ZNF169: variants seen among roughly 807,000 people sequenced by gnomAD.
The protein encoded by ZNF169 is zinc finger protein 169.
A neutral mutation model predicts 12.0 loss-of-function variants in ZNF169; 11 were observed. The observed-to-expected ratio is 0.92, with a 90% CI of 0.58 to 1.52. The LOEUF is 1.52. Ranked by LOEUF, ZNF169 falls within the 40% of genes most tolerant of loss-of-function variation. The pLI is 0.00. For missense variants in ZNF169, 722 were observed against 744.0 expected, an observed-to-expected ratio of 0.97 and a Z score of 0.34; for synonymous variants, 302 against 286.5, an observed-to-expected ratio of 1.05 and a Z score of -0.55.
chr9:94,282,417 G>A (rs544384166), intron 2 of ZNF169, among the ~76,000 whole-genome samples: 5 of 152,260 alleles, frequency 3.3e-5, no homozygotes, highest in South Asian at 2.1e-4. Context: ...ATATTGGTTC[G>A]GTCTGGAAAG....
intron 2 of ZNF169, among the ~76,000 whole-genome samples, chr9:94,282,987 C>T (rs750842303): frequency 6.6e-6 from 1 of 152,132 alleles, no homozygotes; most frequent in Non-Finnish European, 1.5e-5. Flanking sequence ...GAGTTATTCC[C>T]CATTCGCCCC....
At chr9:94,277,917 G>C (rs903816111) in intron 1 of ZNF169, among the ~76,000 whole-genome samples, 2 of 148,022 alleles carry the variant, frequency 1.4e-5, no homozygotes, top group Non-Finnish European at 3.0e-5. Context: ...GGGCCACAGA[G>C]CGAGACTCCG....
At chr9:94,294,573 A>G (rs1363260363) in intron 4 of ZNF169, 3 of 152,230 alleles carry the variant, frequency 2.0e-5, no homozygotes, top group African/African-American at 4.8e-5. Context: ...GCAGGAGTCT[A>G]TGAGAATTCT....
intron 1 of ZNF169, among the ~76,000 whole-genome samples, chr9:94,277,356 T>A (rs1830541396): frequency 6.6e-6 from 1 of 152,156 alleles, no homozygotes; most frequent in Non-Finnish European, 1.5e-5. Flanking sequence ...CTTAGTTGAT[T>A]ATATCTCTTG....
chr9:94,284,216 G>A lies in ZNF169; in HGVS notation c.33+5371G>A, dbSNP rs538600637. Among the ~76,000 whole-genome samples, 6 of 152,054 alleles carry A rather than the reference G, an allele frequency of 3.9e-5. No individual in the cohort carries two copies. In the South Asian group the frequency reaches 8.3e-4, roughly 21 times the overall value. ...AAGGCAGGTGGATCACTTGAGGTAA[G>A]GAGTTCAAGACCAGCCTGGCCAACG... On this transcript the variant is annotated intron_variant, in intron 2 of 4. Coordinates refer to ENST00000395395, the MANE Select transcript of ZNF169 (RefSeq NM_194320.4).
chr9:94,268,290 A>G (rs1160509457), intron 1 of ZNF169, among the ~76,000 whole-genome samples: 2 of 152,200 alleles, frequency 1.3e-5, no homozygotes, highest in African/African-American at 4.8e-5. Flanking sequence ...CTGTGGTACA[A>G]AATAATTTAA....
At chr9:94,261,319 C>A (rs528955693) in intron 1 of ZNF169, among the ~76,000 whole-genome samples, 2 of 151,696 alleles carry the variant, frequency 1.3e-5, no homozygotes, top group African/African-American at 2.4e-5. Context: ...CACCGCACCC[C>A]GCTCGAGACG....
chr9:94,260,087 T>TTTTTG (rs1366714735), intron 1 of ZNF169, among the ~76,000 whole-genome samples: 1 of 138,856 alleles, frequency 7.2e-6, no homozygotes, highest in Non-Finnish European at 1.6e-5. Context: ...AATTTTTTGG[T>TTTTTG]TTTTGTTTTG....
chr9:94,300,306 A>G lies in ZNF169; in HGVS notation c.748A>G (p.Ile250Val). The G allele has an allele frequency of 6.2e-7, 1 of 1,614,008 alleles. No individual in the cohort carries two copies. The highest frequency in any genetic ancestry group is 2.2e-5 in the East Asian group (1 of 44,864). The change falls in exon 5 of 5, where the codon ATC (isoleucine) becomes GTC (valine). Residue 250 changes from isoleucine to valine, a missense_variant. By Grantham distance (29) the Ile-to-Val change is conservative. Coordinates refer to ENST00000395395, the MANE Select transcript of ZNF169 (RefSeq NM_194320.4). The stretch of plus-strand genomic sequence containing the variant: ...AGGCTTTTGCCAGAGATCAGACCTT[A>G]TCAAGCACCAGAGGACACACACCGG... ...GRGFCQRSDL[I>V]KHQRTHTGEK...
At chr9:94,288,225 T>C (rs1288841384) in intron 2 of ZNF169, 2 of 815,556 alleles carry the variant, frequency 2.5e-6, no homozygotes, top group South Asian at 1.4e-5. Flanking sequence ...AGCATTTTTT[T>C]CCCCCAGTGT....
rs1404231814 is a variant in ZNF169 at position 94,300,147 on chromosome 9, TCAGACACAATGTTGAAGGGAG to T, written c.597_617del (p.Met200_Thr206del). 5 of 1,613,372 alleles carry T rather than the reference TCAGACACAATGTTGAAGGGAG, an allele frequency of 3.1e-6. No homozygotes were observed. Among genetic ancestry groups the T allele is most frequent in the Non-Finnish European group, 4.2e-6 (5 of 1,179,884 alleles). ...GGCCCAAAGGATGAGTCTTGGGGGGTCAGACACAATGTTGAAGGGAGCAGACACTTCAGAATCTGGAGCAGT... is the reference window on the plus strand; with the variant it reads ...GGCCCAAAGGATGAGTCTTGGGGGGTCAGACACTTCAGAATCTGGAGCAGT... On this transcript the variant is annotated inframe_deletion, in exon 5 of 5. Transcript: ENST00000395395.
intron 2 of ZNF169, among the ~76,000 whole-genome samples, chr9:94,290,241 A>C (rs967342841): frequency 6.6e-6 from 1 of 152,234 alleles, no homozygotes; most frequent in South Asian, 2.1e-4. Context: ...TGCAGCTAAC[A>C]TTCTTTTTAA....
intron 1 of ZNF169, among the ~76,000 whole-genome samples, chr9:94,270,791 A>T (rs543999527): frequency 1.9e-4 from 9 of 47,722 alleles, no homozygotes; most frequent in East Asian, 1.6e-3. Flanking sequence ...ATAAATATAT[A>T]TAAATAATAT....
In ZNF169 at chr9:94,300,601, G is replaced by A. The variant is rs772484172; in HGVS notation, c.1043G>A (p.Cys348Tyr). The change falls in exon 5 of 5, where the codon TGT becomes TAT. Residue 348 changes from cysteine (C) to tyrosine (Y), a missense_variant. Physicochemically the swap from Cys to Tyr is radical, Grantham distance 194. Coordinates refer to ENST00000395395, the MANE Select transcript of ZNF169 (RefSeq NM_194320.4). ...RTHLEEKPFV[C>Y]PECGRGFCQK... is the part of the protein sequence containing the mutation. Reference sequence around the variant, plus strand: ...CACTTGGAGGAGAAGCCCTTCGTGTGTCCTGAGTGTGGGAGAGGCTTTTGC... The same window carrying A: ...CACTTGGAGGAGAAGCCCTTCGTGTATCCTGAGTGTGGGAGAGGCTTTTGC... 1 of 1,614,162 alleles carries A rather than the reference G, an allele frequency of 6.2e-7. No homozygotes were observed. Among genetic ancestry groups the A allele is most frequent in the Admixed American group, 1.7e-5 (1 of 60,020 alleles).
Position 94,300,260 on chromosome 9 carries a change from T to C in ZNF169, c.702T>C (p.His234=), listed in dbSNP as rs1487136519. The part of the protein sequence containing the change: ...KSSLFSHQKH[H]VCPECGRGFC... Reference sequence around the variant, plus strand: ...GCCTGTTCAGCCACCAGAAGCATCATGTGTGCCCTGAATGCGGGAGAGGCT... The same window carrying C: ...GCCTGTTCAGCCACCAGAAGCATCACGTGTGCCCTGAATGCGGGAGAGGCT... The change falls in exon 5 of 5, where the codon CAT becomes CAC. Residue 234 remains histidine, a synonymous_variant. Transcript: ENST00000395395. 2.5e-6 allele frequency: 4 copies of C among 1,614,226 alleles called. No individual in the cohort carries two copies. Among genetic ancestry groups the C allele is most frequent in the Non-Finnish European group, 1.7e-6 (2 of 1,180,034 alleles).
intron 1 of ZNF169, among the ~76,000 whole-genome samples, chr9:94,270,741 T>TA (rs1830384133): frequency 2.7e-5 from 2 of 73,342 alleles, no homozygotes; most frequent in East Asian, 4.2e-4. Context: ...ATATAATTAA[T>TA]GTATTTATAT....
intron 4 of ZNF169, chr9:94,299,466 G>C: frequency 9.3e-7 from 1 of 1,074,082 alleles, no homozygotes; most frequent in South Asian, 4.0e-5. Context: ...CCAAGTTCTT[G>C]GCTCTTGCAT....
Position 94,283,771 on chromosome 9 carries a change from A to T in ZNF169, c.33+4926A>T, listed in dbSNP as rs572566996. ...AATATCAGTATAGAAAACTTATTTTAAAAAGTATAATATGAGGCCGGGTGC... is the reference window on the plus strand; with the variant it reads ...AATATCAGTATAGAAAACTTATTTTTAAAAGTATAATATGAGGCCGGGTGC... On this transcript the variant is annotated intron_variant, in intron 2 of 4. Coordinates refer to ENST00000395395, the MANE Select transcript of ZNF169 (RefSeq NM_194320.4). 2.6e-5 allele frequency among the ~76,000 whole-genome samples: 4 copies of T among 152,278 alleles called. No homozygotes were observed. In the South Asian group the frequency reaches 8.3e-4, roughly 32 times the overall value.
intron 2 of ZNF169, among the ~76,000 whole-genome samples, chr9:94,284,858 G>GT (rs201985335): frequency 1.3e-3 from 197 of 149,826 alleles, no homozygotes; most frequent in East Asian, 2.1e-3. Context: ...TTCCAATGGT[G>GT]TTTTTTTTTC....
Sources: gnomAD v4.1 joint callset for allele counts (sites outside exome capture counted in the v4.1 genomes callset) on GRCh38, gnomAD v4.1.1 for gene constraint, MANE v1.5 for transcripts, NCBI Gene and HGNC (gene_info 2026-07-23, HGNC 2026-07-21) for gene names.